The following AHR variants were observed in gnomAD, a reference collection of about 807,000 sequenced individuals.
AHR encodes the protein aryl hydrocarbon receptor.
A neutral mutation model predicts 86.8 loss-of-function variants in AHR; 40 were observed. The observed-to-expected ratio is 0.46, with a 90% CI of 0.36 to 0.60. The LOEUF (loss-of-function observed/expected upper bound fraction) is 0.60, where lower values mean the gene tolerates loss of function less well. AHR is among the 20% of genes least tolerant of loss of function. AHR has a pLI of 0.00. For synonymous variants in AHR, 398 were observed against 354.9 expected (o/e 1.12, Z -1.37); for missense variants, 1,001 against 1,011.6 (o/e 0.99, Z 0.14).
Position 17,335,751 on chromosome 7 carries a change from A to T in AHR, c.1125A>T (p.Arg375Ser). Residue 375 changes from arginine (R) to serine (S), a missense_variant, in exon 9 of 11, where the codon AGA becomes AGT. By Grantham distance (110) the Arg-to-Ser change is moderately radical (BLOSUM62 -1). Transcript: ENST00000242057. ...CACGCCTGCTTTATAAAAATGGAAG[A>T]CCAGATTATATCATTGTAACTCAGA... ...SNARLLYKNG[R>S]PDYIIVTQRP... 1.2e-6 allele frequency: 2 copies of T among 1,613,222 alleles called. No individual in the cohort carries two copies. The highest frequency in any genetic ancestry group is 2.2e-5 in the South Asian group (2 of 90,926).
At chr7:17,306,003 A>G (rs1782001863) in intron 1 of AHR, among the ~76,000 whole-genome samples, 1 of 152,126 alleles carries the variant, frequency 6.6e-6, no homozygotes, top group African/African-American at 2.4e-5. Flanking sequence ...AATTTTACAG[A>G]TTGGGACAAG....
intron 1 of AHR, 63 bp from the exon 2 acceptor site, chr7:17,309,873 C>T: frequency 1.5e-6 from 2 of 1,338,574 alleles, no homozygotes; most frequent in African/African-American, 1.5e-5. Flanking sequence ...TGTTATAATG[C>T]AATAGAAATT....
Position 17,339,868 on chromosome 7 carries a change from C to G in AHR, c.2043C>G (p.Ile681Met). 2 of 1,614,146 alleles carry G rather than the reference C, an allele frequency of 1.2e-6. No homozygotes were observed. Among genetic ancestry groups the G allele is most frequent in the Non-Finnish European group, 8.5e-7 (1 of 1,179,988 alleles). The change falls in exon 10 of 11, where the codon ATC (isoleucine) becomes ATG (methionine). Residue 681 changes from isoleucine to methionine, a missense_variant. Transcript: ENST00000242057. ...QYNVFTDLHG[I>M]SQEFPYKSEM... is the part of the protein sequence containing the mutation. ...ATGTCTTTACAGACTTACATGGGAT[C>G]AGTCAAGAGTTCCCCTACAAATCTG...
Position 17,330,088 on chromosome 7 carries a change from G to A in AHR, c.574+13G>A. The A allele has an allele frequency of 6.2e-7, 1 of 1,604,928 alleles. No homozygotes were observed. The highest frequency in any genetic ancestry group is 1.7e-4 in the Middle Eastern group (1 of 5,990). On this transcript the variant is annotated intron_variant, in intron 5 of 10. Transcript: ENST00000242057. ...CAAGGAATTGAAGGTAAGAATTGAT[G>A]GTACAAAAAATAGTGTTGGTAGTTT... is the stretch of plus-strand genomic sequence containing the variant.
At position 17,299,084 on chromosome 7, in the gene AHR, C is replaced by T. The variant is rs150072876; in HGVS notation, c.-181C>T. The stretch of plus-strand genomic sequence containing the variant: ...CCTGTACTGGCGCGGGCTGCGGAAG[C>T]CTGCGTGAGCCGAGGCGTTGAGGCG... On this transcript the variant is annotated 5_prime_UTR_variant, in exon 1 of 11. Coordinates refer to ENST00000242057, the MANE Select transcript of AHR (RefSeq NM_001621.5). 5.2e-3 allele frequency: 3,146 copies of T among 602,050 alleles called. 15 individuals carry two copies. Among genetic ancestry groups the T allele is most frequent in the Non-Finnish European group, 4.9e-3 (1,813 of 373,342 alleles). 37.3% of individuals were successfully genotyped at this position (602,050 alleles called of 1,614,324 possible). A position where few individuals can be genotyped will look rare whatever the true frequency, so the allele number is the denominator to read the frequency against.
Position 17,299,125 on chromosome 7 carries a change from T to A in AHR, c.-140T>A, listed in dbSNP as rs983394842. ...CGTTGAGGCGCGGCGCCCACGCCAC[T>A]GTCCCGAGAGGACGCAGGTGGAGCG... On this transcript the variant is annotated 5_prime_UTR_variant, in exon 1 of 11. Coordinates refer to ENST00000242057, the MANE Select transcript of AHR (RefSeq NM_001621.5). 3 of 898,934 alleles carry A rather than the reference T, an allele frequency of 3.3e-6. No individual in the cohort carries two copies. The highest frequency in any genetic ancestry group is 4.7e-6 in the Non-Finnish European group (3 of 633,256). The allele number at this position is 898,934 out of a possible 1,614,324, so 55.7% of individuals were successfully genotyped here.
chr7:17,339,255 G>A lies in AHR; in HGVS notation c.1430G>A (p.Ser477Asn). Reference protein sequence around the residue: ...IYLYPASSTSSTAPFENNFFN... With the variant: ...IYLYPASSTSNTAPFENNFFN... Reference sequence around the variant, plus strand: ...CTCTATCCTGCTTCAAGTACTTCAAGTACTGCACCTTTTGAAAACAACTTT... The same window carrying A: ...CTCTATCCTGCTTCAAGTACTTCAAATACTGCACCTTTTGAAAACAACTTT... Residue 477 changes from serine to asparagine, a missense_variant, in exon 10 of 11, where the codon AGT becomes AAT. Ser to Asn is a conservative substitution (Grantham distance 46, BLOSUM62 1). This residue lies in a region of AHR where 607 missense variants were observed against 543.1 expected (regional missense o/e 1.12). Coordinates refer to ENST00000242057, the MANE Select transcript of AHR (RefSeq NM_001621.5). 1.2e-6 allele frequency: 2 copies of A among 1,614,174 alleles called. No individual in the cohort carries two copies. Among genetic ancestry groups the A allele is most frequent in the Non-Finnish European group, 1.7e-6 (2 of 1,180,028 alleles).
rs1022043181 is a variant in AHR at position 17,345,820 on chromosome 7, A to G, written c.*2756A>G. ...GTGCCAAACAAAGGATACTTAGTGC[A>G]CTGCTACATTGTGGGATTTATTTCT... On this transcript the variant is annotated 3_prime_UTR_variant, in exon 11 of 11. Coordinates refer to ENST00000242057, the MANE Select transcript of AHR (RefSeq NM_001621.5). 6.5e-6 allele frequency: 1 copy of G among 152,736 alleles called. No homozygotes were observed. Among genetic ancestry groups the G allele is most frequent in the Non-Finnish European group, 1.5e-5 (1 of 68,028 alleles). 9.5% of individuals were successfully genotyped at this position (152,736 alleles called of 1,614,324 possible). A position where few individuals can be genotyped will look rare whatever the true frequency, so the allele number is the denominator to read the frequency against.
At position 17,299,213 on chromosome 7, in the gene AHR, G is replaced by A. The variant is rs1397821489; in HGVS notation, c.-52G>A. ...TGGTCCCAGCCTACACCGGGTTCCG[G>A]GGACCCGGCCGCCAGTGCCCGGGGA... is the stretch of plus-strand genomic sequence containing the variant. On this transcript the variant is annotated 5_prime_UTR_variant, in exon 1 of 11. Coordinates refer to ENST00000242057, the MANE Select transcript of AHR (RefSeq NM_001621.5). 1 of 1,591,834 alleles carries A rather than the reference G, an allele frequency of 6.3e-7. No homozygotes were observed. The highest frequency in any genetic ancestry group is 1.4e-5 in the African/African-American group (1 of 73,626).
intron 2 of AHR, among the ~76,000 whole-genome samples, chr7:17,311,971 A>T (rs1782069634): frequency 6.6e-6 from 1 of 152,228 alleles, no homozygotes; most frequent in Non-Finnish European, 1.5e-5. Context: ...GACAGGCAGC[A>T]TCAGCATCAC....
At position 17,324,531 on chromosome 7, in the gene AHR, G is replaced by A. The variant is rs538912712; in HGVS notation, c.360+1924G>A. 6.2e-3 allele frequency among the ~76,000 whole-genome samples: 944 copies of A among 152,244 alleles called. 9 individuals carry two copies. Among genetic ancestry groups the A allele is most frequent in the Non-Finnish European group, 1.0e-2 (680 of 68,010 alleles). Reference sequence around the variant, plus strand: ...AAAATTTTTATTAAAGGCCAGGTGCGGTGGCTCACGCCTGTGATCCCAGCA... The same window carrying A: ...AAAATTTTTATTAAAGGCCAGGTGCAGTGGCTCACGCCTGTGATCCCAGCA... On this transcript the variant is annotated intron_variant, in intron 3 of 10. Coordinates refer to ENST00000242057, the MANE Select transcript of AHR (RefSeq NM_001621.5).
At chr7:17,299,362 G>A (rs552727772) in intron 1 of AHR, 33 bp downstream of exon 1, 7 of 1,607,500 alleles carry the variant, frequency 4.4e-6, no homozygotes, top group Middle Eastern at 1.7e-4. Flanking sequence ...CATCGCGGGG[G>A]CTGGGCGCTC....
Position 17,298,822 on chromosome 7 carries a change from A to T in AHR, c.-443A>T, listed in dbSNP as rs1292824640. On this transcript the variant is annotated 5_prime_UTR_variant, in exon 1 of 11. Coordinates refer to ENST00000242057, the MANE Select transcript of AHR (RefSeq NM_001621.5). ...CCTGGATTTAGGAAGTCCCGGGAGC[A>T]GCGCGGCGGCACCTCCCTCACCCAA... is the stretch of plus-strand genomic sequence containing the variant. 5.0e-6 allele frequency: 2 copies of T among 398,018 alleles called. No individual in the cohort carries two copies. Among genetic ancestry groups the T allele is most frequent in the Non-Finnish European group, 8.9e-6 (2 of 225,854 alleles). The allele number at this position is 398,018 out of a possible 1,614,324, so 24.7% of individuals were successfully genotyped here.
Position 17,339,680 on chromosome 7 carries a change from C to T in AHR, c.1855C>T (p.Leu619=), listed in dbSNP as rs776003748. 6.2e-7 allele frequency: 1 copy of T among 1,613,988 alleles called. No homozygotes were observed. The highest frequency in any genetic ancestry group is 8.5e-7 in the Non-Finnish European group (1 of 1,180,024). The change falls in exon 10 of 11, where the codon CTA becomes TTA. Residue 619 remains leucine (L), a synonymous_variant. Transcript: ENST00000242057. ...SSCMVQEHLH[L]EQQQQHHQKQ... is the part of the protein sequence containing the mutation. Reference sequence around the variant, plus strand: ...CTGTATGGTACAGGAACACCTACATCTAGAACAGCAACAGCAACATCACCA... The same window carrying T: ...CTGTATGGTACAGGAACACCTACATTTAGAACAGCAACAGCAACATCACCA...
chr7:17,298,886 G>A lies in AHR; in HGVS notation c.-379G>A. ...CGGTCACGGGGCGCGGCGCCACCGT[G>A]AGCGACCCAGGCCAGGATTCTAAAT... On this transcript the variant is annotated 5_prime_UTR_variant, in exon 1 of 11. Coordinates refer to ENST00000242057, the MANE Select transcript of AHR (RefSeq NM_001621.5). The A allele has an allele frequency of 5.0e-6, 2 of 398,582 alleles. No homozygotes were observed. Among genetic ancestry groups the A allele is most frequent in the Non-Finnish European group, 8.8e-6 (2 of 226,064 alleles). 24.7% of individuals were successfully genotyped at this position (398,582 alleles called of 1,614,324 possible). A position where few individuals can be genotyped will look rare whatever the true frequency, so the allele number is the denominator to read the frequency against.
chr7:17,330,156 C>T, intron 5 of AHR, 81 bp downstream of exon 5: 1 of 1,312,912 alleles, frequency 7.6e-7, no homozygotes, highest in Non-Finnish European at 1.1e-6. Flanking sequence ...CCTGTAGGGT[C>T]ATAGAACTCC....
At chr7:17,301,674 C>G (rs1781956180) in intron 1 of AHR, among the ~76,000 whole-genome samples, 1 of 151,650 alleles carries the variant, frequency 6.6e-6, no homozygotes, top group Non-Finnish European at 1.5e-5. Flanking sequence ...AAAATCAACC[C>G]CCCCTAGTGG....
rs1470531854 is a variant in AHR, at chr7:17,340,328, T to C, written c.2403+100T>C. On this transcript the variant is annotated intron_variant, in intron 10 of 10. Transcript: ENST00000242057. ...TGTCAGCTGATTTTAATCGGTTATC[T>C]ACAGCATTCATGGAGACAGCATTTT... 1.8e-5 allele frequency: 25 copies of C among 1,428,214 alleles called. No individual in the cohort carries two copies. In the South Asian group the frequency reaches 3.7e-4, roughly 21 times the overall value. 88.5% of individuals were successfully genotyped at this position (1,428,214 alleles called of 1,614,324 possible). A position where few individuals can be genotyped will look rare whatever the true frequency, so the allele number is the denominator to read the frequency against.
In AHR at chr7:17,327,808, A is replaced by G. The variant is rs1157655915; in HGVS notation, c.410A>G (p.Tyr137Cys). 2.5e-6 allele frequency: 4 copies of G among 1,578,208 alleles called. No homozygotes were observed. Among genetic ancestry groups the G allele is most frequent in the Non-Finnish European group, 3.5e-6 (4 of 1,157,174 alleles). ...LVVTTDALVF[Y>C]ASSTIQDYLG... is the part of the protein sequence containing the mutation. Reference sequence around the variant, plus strand: ...GTCACTACAGATGCTTTGGTCTTTTATGCTTCTTCTACTATACAAGATTAT... The same window carrying G: ...GTCACTACAGATGCTTTGGTCTTTTGTGCTTCTTCTACTATACAAGATTAT... The change falls in exon 4 of 11, where the codon TAT becomes TGT. Residue 137 changes from tyrosine (Y) to cysteine (C), a missense_variant. Around this residue, in one of 2 missense-constraint regions of AHR, gnomAD observed 394 missense variants for 468.5 expected, o/e 0.84. Coordinates refer to ENST00000242057, the MANE Select transcript of AHR (RefSeq NM_001621.5).
Sources: gnomAD v4.1 joint callset for allele counts (sites outside exome capture counted in the v4.1 genomes callset) on GRCh38, gnomAD v4.1.1 for gene constraint, gnomAD v4.1.1 regional missense constraint, MANE v1.5 for transcripts, NCBI Gene and HGNC (gene_info 2026-07-23, HGNC 2026-07-21) for gene names.